The following LUC7L variants were observed in gnomAD, a reference collection of about 807,000 sequenced individuals.
LUC7L encodes putative RNA-binding protein Luc7-like 1.
In LUC7L, 29 loss-of-function variants were observed where a neutral mutation model predicts 51.1. The observed-to-expected ratio is 0.57, with a 90% CI of 0.42 to 0.77. LUC7L has a LOEUF of 0.77. LUC7L is among the 30% of genes least tolerant of loss of function. The pLI, the probability that LUC7L is intolerant of heterozygous loss-of-function variation, is 0.00. For synonymous variants in LUC7L, 181 were observed against 180.7 expected (o/e 1.00, Z -0.01); for missense variants, 403 against 511.9 (o/e 0.79, Z 2.05).
chr16:229,242 A>G (rs1194184770), intron 1 of LUC7L, 37 bp downstream of exon 1: 47 of 1,521,226 alleles, frequency 3.1e-5, no homozygotes, highest in Admixed American at 4.0e-5. Flanking sequence ...CCTCACTCCC[A>G]CCCCAGACCC....
chr16:192,448 G>C (rs1177222872), intron 7 of LUC7L, among the ~76,000 whole-genome samples: 2 of 151,362 alleles, frequency 1.3e-5, no homozygotes, highest in South Asian at 2.1e-4. Context: ...TGCACACACA[G>C]TCCTGCGCTG....
intron 2 of LUC7L, among the ~76,000 whole-genome samples, chr16:225,396 G>GGCTGAGGCTGAGGC (rs1445584477): frequency 6.7e-6 from 1 of 148,648 alleles, no homozygotes; most frequent in Non-Finnish European, 1.5e-5. Flanking sequence ...TGAGGCAAGA[G>GGCTGAGGCTGAGGC]AATGGCTTGA....
chr16:207,582 T>C (rs2049519227), intron 4 of LUC7L, among the ~76,000 whole-genome samples: 1 of 151,964 alleles, frequency 6.6e-6, no homozygotes, highest in South Asian at 2.1e-4. Flanking sequence ...ATGGAGAGAA[T>C]AAAAAGACAG....
chr16:193,829 A>C (rs1596597139), intron 6 of LUC7L, among the ~76,000 whole-genome samples: 2 of 132,460 alleles, frequency 1.5e-5, no homozygotes, highest in Non-Finnish European at 3.2e-5. Context: ...TTTGAGACGG[A>C]GTCTCGCTCT....
At chr16:212,642 G>T (rs890138532) in intron 3 of LUC7L, among the ~76,000 whole-genome samples, 1 of 152,122 alleles carries the variant, frequency 6.6e-6, no homozygotes, top group Admixed American at 6.6e-5. Context: ...GCTTTGAAAT[G>T]AGCCCATATA....
intron 9 of LUC7L, 36 bp from the exon 10 acceptor site, chr16:189,375 C>G: frequency 6.3e-7 from 1 of 1,582,406 alleles, no homozygotes; most frequent in Non-Finnish European, 8.6e-7. Flanking sequence ...GTGGAGGCTG[C>G]TGCCCCCCTT....
chr16:212,210 T>C (rs1377640838), intron 3 of LUC7L, among the ~76,000 whole-genome samples: 4 of 152,140 alleles, frequency 2.6e-5, no homozygotes, highest in Non-Finnish European at 4.4e-5. Flanking sequence ...GGAGAATCAC[T>C]TGAACTCGGG....
At chr16:192,415 T>G (rs557311052) in intron 7 of LUC7L, among the ~76,000 whole-genome samples, 6 of 152,002 alleles carry the variant, frequency 3.9e-5, no homozygotes, top group Admixed American at 2.6e-4. Flanking sequence ...CTCCAACAGC[T>G]TGGATCCCTT....
At chr16:190,261 T>C (rs1417810970) in intron 8 of LUC7L, 126 bp from the exon 9 acceptor site, 23 of 895,958 alleles carry the variant, frequency 2.6e-5, no homozygotes, top group Non-Finnish European at 3.7e-5. Flanking sequence ...AAATTTAGGT[T>C]TAAAATATTT....
At chr16:209,911 C>G (rs539920961) in intron 3 of LUC7L, 2 of 152,382 alleles carry the variant, frequency 1.3e-5, no homozygotes, top group South Asian at 2.1e-4. Flanking sequence ...GGTGCCCAGT[C>G]TCCCAAGAAG....
intron 5 of LUC7L, among the ~76,000 whole-genome samples, chr16:205,640 A>G (rs2049461843): frequency 1.3e-5 from 2 of 152,186 alleles, no homozygotes; most frequent in African/African-American, 4.8e-5. Flanking sequence ...CCCAGGCTGG[A>G]GTGCAGTGGC....
intron 2 of LUC7L, among the ~76,000 whole-genome samples, chr16:222,350 G>T (rs11641681): frequency 6.9e-6 from 1 of 145,712 alleles, no homozygotes; most frequent in South Asian, 2.2e-4. Flanking sequence ...AAAAAAAGAC[G>T]TTAGTACCAG....
At chr16:192,215 G>A (rs2049027674) in intron 7 of LUC7L, among the ~76,000 whole-genome samples, 1 of 152,040 alleles carries the variant, frequency 6.6e-6, no homozygotes, top group Non-Finnish European at 1.5e-5. Context: ...CCGACTCCTT[G>A]CACCCCTTAC....
chr16:211,384 G>A (rs2049635218), intron 3 of LUC7L, among the ~76,000 whole-genome samples: 1 of 151,320 alleles, frequency 6.6e-6, no homozygotes, highest in Non-Finnish European at 1.5e-5. Flanking sequence ...CTTGAACCTG[G>A]GAGGCGGAGG....
rs1415074429 is a variant in LUC7L at position 228,565 on chromosome 16, G to A, written c.61+714C>T. On this transcript the variant is annotated intron_variant, in intron 1 of 9. Transcript: ENST00000293872. Reference sequence around the variant, plus strand: ...TGCACAGCCCTGAGAATGTGCCAGTGTGAACTTACAACTTCATTACTCAGC... The same window carrying A: ...TGCACAGCCCTGAGAATGTGCCAGTATGAACTTACAACTTCATTACTCAGC... 3 of 1,195,596 alleles carry A rather than the reference G, an allele frequency of 2.5e-6. No homozygotes were observed. The African/African-American group carries it at 4.8e-5, about 19-fold the overall frequency. The allele number at this position is 1,195,596 out of a possible 1,614,324, so 74.1% of individuals were successfully genotyped here.
intron 4 of LUC7L, among the ~76,000 whole-genome samples, 177 bp from the exon 5 acceptor site, chr16:206,324 C>G (rs1381875075): frequency 6.6e-6 from 1 of 152,180 alleles, no homozygotes; most frequent in African/African-American, 2.4e-5. Context: ...TAAACGAGTC[C>G]TATGTTCCAA....
chr16:206,319 G>A lies in LUC7L; in HGVS notation c.367-172C>T, dbSNP rs934210962. ...CAGCATTGAGACTGTAACCATAAAC[G>A]AGTCCTATGTTCCAATGAAACCAGT... On this transcript the variant is annotated intron_variant, in intron 4 of 9. Coordinates refer to ENST00000293872, the MANE Select transcript of LUC7L (RefSeq NM_201412.3). 3.3e-5 allele frequency among the ~76,000 whole-genome samples: 5 copies of A among 152,146 alleles called. No homozygotes were observed. The South Asian group carries it at 1.0e-3, about 32-fold the overall frequency.
At chr16:199,304 A>C in intron 5 of LUC7L, 66 bp from the exon 6 acceptor site, 2 of 1,027,224 alleles carry the variant, frequency 1.9e-6, no homozygotes, top group Non-Finnish European at 2.9e-6. Context: ...TTCAATCTCC[A>C]AAATGAAAAT....
intron 2 of LUC7L, 106 bp from the exon 3 acceptor site, chr16:220,853 G>A (rs1257010369): frequency 2.8e-6 from 2 of 714,158 alleles, no homozygotes; most frequent in African/African-American, 3.6e-5. Flanking sequence ...GATCACTTTT[G>A]GAACACTGAC....
Sources: allele counts gnomAD v4.1 joint callset (sites outside exome capture counted in the v4.1 genomes callset), GRCh38; gene constraint gnomAD v4.1.1; transcripts MANE v1.5; gene names NCBI Gene and HGNC (gene_info 2026-07-23, HGNC 2026-07-21).